Variants in SYT1 observed in about 807,000 individuals in gnomAD.
The protein encoded by SYT1 is synaptotagmin-1.
SYT1 carries 8 observed loss-of-function variants against 44.8 expected under a neutral mutation model. The observed-to-expected ratio is 0.18, with a 90% CI of 0.10 to 0.32. SYT1 has a LOEUF of 0.32. SYT1 is among the 10% of genes least tolerant of loss of function. SYT1 has a pLI of 1.00. For synonymous variants in SYT1, 154 were observed against 188.8 expected, an observed-to-expected ratio of 0.82 and a Z score of 1.51; for missense variants, 286 against 509.3, an observed-to-expected ratio of 0.56 and a Z score of 4.22.
intron 2 of SYT1, among the ~76,000 whole-genome samples, chr12:79,025,863 AT>A (rs1003299732): frequency 6.6e-6 from 1 of 151,618 alleles, no homozygotes; most frequent in African/African-American, 2.4e-5. Flanking sequence ...GGTTGGTAAT[AT>A]TGACAACCTC....
intron 2 of SYT1, among the ~76,000 whole-genome samples, chr12:79,022,474 T>A (rs1592671288): frequency 6.6e-6 from 1 of 151,824 alleles, no homozygotes; most frequent in Non-Finnish European, 1.5e-5. Flanking sequence ...TACACTGGAG[T>A]TTTCTAGAGG....
At chr12:78,958,565 C>T (rs1464696373) in intron 1 of SYT1, among the ~76,000 whole-genome samples, 1 of 151,986 alleles carries the variant, frequency 6.6e-6, no homozygotes, top group Non-Finnish European at 1.5e-5. Flanking sequence ...TGTGGTGGCA[C>T]ACACCTGAAA....
At chr12:79,280,912 AATC>A (rs1879015933) in intron 4 of SYT1, among the ~76,000 whole-genome samples, 1 of 152,004 alleles carries the variant, frequency 6.6e-6, no homozygotes, top group Admixed American at 6.6e-5. Flanking sequence ...CCACATCACT[AATC>A]ATCAGAGAAA....
intron 3 of SYT1, among the ~76,000 whole-genome samples, chr12:79,128,997 ATT>A (rs1379294873): frequency 2.6e-5 from 4 of 152,242 alleles, no homozygotes; most frequent in African/African-American, 9.6e-5. Context: ...ATATATTTAT[ATT>A]TTATAGAACA....
intron 2 of SYT1, among the ~76,000 whole-genome samples, chr12:79,040,416 G>A (rs1460357204): frequency 6.6e-6 from 1 of 152,178 alleles, no homozygotes; most frequent in African/African-American, 2.4e-5. Flanking sequence ...CAGCATAAAT[G>A]TCTTCTTTTG....
intron 4 of SYT1, among the ~76,000 whole-genome samples, chr12:79,273,734 G>A (rs539938088): frequency 2.0e-5 from 3 of 152,282 alleles, no homozygotes; most frequent in Non-Finnish European, 2.9e-5. Context: ...ATCCTAACTC[G>A]TAAAATCCTC....
At chr12:79,384,160 C>A (rs1565935540) in intron 9 of SYT1, among the ~76,000 whole-genome samples, 2 of 152,126 alleles carry the variant, frequency 1.3e-5, no homozygotes, top group African/African-American at 4.8e-5. Context: ...GAGTGCTGAA[C>A]TATACAATAA....
In SYT1 at chr12:79,450,456, A is replaced by C. The variant is rs527647747; in HGVS notation, c.*1332A>C. The C allele has an allele frequency of 1.4e-4, 22 of 152,692 alleles. No homozygotes were observed. The highest frequency in any genetic ancestry group is 5.1e-4 in the African/African-American group (21 of 41,552). 9.5% of individuals were successfully genotyped at this position (152,692 alleles called of 1,614,324 possible). A position where few individuals can be genotyped will look rare whatever the true frequency, so the allele number is the denominator to read the frequency against. ...TTCTAGAAAACTGAAGCAACCTCTTATGTATACTAGATGCTTGATTTAGGA... is the reference window on the plus strand; with the variant it reads ...TTCTAGAAAACTGAAGCAACCTCTTCTGTATACTAGATGCTTGATTTAGGA... On this transcript the variant is annotated 3_prime_UTR_variant, in exon 11 of 11. Coordinates refer to ENST00000261205, the MANE Select transcript of SYT1 (RefSeq NM_005639.3).
chr12:79,338,604 C>A lies in SYT1; in HGVS notation c.811-14898C>A, dbSNP rs577573502. Reference sequence around the variant, plus strand: ...AATTTCTCTTTTTTTTTTCTTCAATCCCTCCCTGCCTCCCTCCCTCCCTCC... The same window carrying A: ...AATTTCTCTTTTTTTTTTCTTCAATACCTCCCTGCCTCCCTCCCTCCCTCC... On this transcript the variant is annotated intron_variant, in intron 8 of 10. Transcript: ENST00000261205. 1.3e-3 allele frequency among the ~76,000 whole-genome samples: 194 copies of A among 149,954 alleles called. 3 individuals carry two copies. Among genetic ancestry groups the A allele is most frequent in the African/African-American group, 4.5e-3 (183 of 40,806 alleles).
chr12:78,880,317 C>T (rs1454119013), intron 1 of SYT1, among the ~76,000 whole-genome samples: 1 of 151,660 alleles, frequency 6.6e-6, no homozygotes, highest in Non-Finnish European at 1.5e-5. Flanking sequence ...CTTCTTCAAA[C>T]CTTTTGTGTG....
intron 1 of SYT1, among the ~76,000 whole-genome samples, chr12:78,913,128 T>A (rs1337770347): frequency 6.6e-6 from 1 of 151,794 alleles, no homozygotes; most frequent in African/African-American, 2.4e-5. Context: ...AGAAGGCTTA[T>A]TTTTAAGAAC....
At chr12:78,989,623 G>T (rs1296959146) in intron 2 of SYT1, among the ~76,000 whole-genome samples, 1 of 152,090 alleles carries the variant, frequency 6.6e-6, no homozygotes, top group African/African-American at 2.4e-5. Context: ...GGAGAAGAGA[G>T]AAAATATCTT....
intron 8 of SYT1, among the ~76,000 whole-genome samples, chr12:79,335,930 A>G (rs1882071973): frequency 6.6e-6 from 1 of 152,166 alleles, no homozygotes; most frequent in African/African-American, 2.4e-5. Flanking sequence ...TCCCTATCCT[A>G]ATGCCAAATT....
chr12:79,262,879 A>G (rs1245842), intron 4 of SYT1, among the ~76,000 whole-genome samples: 104,275 of 152,068 alleles, frequency 0.69, 36,094 homozygotes, highest in Admixed American at 0.72. Context: ...CTACAAAACA[A>G]ATAGGCAAAA....
At chr12:79,443,809 G>C (rs1251199052) in intron 9 of SYT1, among the ~76,000 whole-genome samples, 2 of 152,092 alleles carry the variant, frequency 1.3e-5, no homozygotes, top group African/African-American at 4.8e-5. Flanking sequence ...TGCATGTTAA[G>C]ACTTTTTATT....
intron 9 of SYT1, among the ~76,000 whole-genome samples, chr12:79,390,498 G>A (rs1180275948): frequency 6.6e-6 from 1 of 151,910 alleles, no homozygotes; most frequent in Non-Finnish European, 1.5e-5. Context: ...CCCTCACAGT[G>A]CTTGCAGGCA....
chr12:79,124,427 A>G (rs1430453341), intron 3 of SYT1, among the ~76,000 whole-genome samples: 1 of 152,200 alleles, frequency 6.6e-6, no homozygotes, highest in Non-Finnish European at 1.5e-5. Flanking sequence ...TTCTGAGATT[A>G]CAACTTACGA....
At chr12:79,010,592 G>C (rs185403942) in intron 2 of SYT1, among the ~76,000 whole-genome samples, 17 of 152,074 alleles carry the variant, frequency 1.1e-4, no homozygotes, top group Admixed American at 1.0e-3. Context: ...AATTAAACCT[G>C]GATTCCTGAT....
At chr12:79,224,622 G>A (rs751187287) in intron 4 of SYT1, among the ~76,000 whole-genome samples, 3 of 152,040 alleles carry the variant, frequency 2.0e-5, no homozygotes, top group Non-Finnish European at 2.9e-5. Context: ...ATGTCATGTG[G>A]GGCCTTGTCA....
Sources: allele counts gnomAD v4.1 joint callset (sites outside exome capture counted in the v4.1 genomes callset), GRCh38; gene constraint gnomAD v4.1.1; transcripts MANE v1.5; gene names NCBI Gene and HGNC (gene_info 2026-07-23, HGNC 2026-07-21).